Variants in ANO10 observed in about 807,000 individuals in gnomAD.
The protein encoded by ANO10 is anoctamin-10.
ANO10 carries 77 observed loss-of-function variants against 74.7 expected under a neutral mutation model. The ratio of observed to expected loss-of-function variants is 1.03; its 90% CI spans 0.86 to 1.25. The LOEUF is 1.25. ANO10 is among the 50% of genes most tolerant of loss of function. The pLI, the probability that ANO10 is intolerant of heterozygous loss-of-function variation, is 0.00. For missense variants in ANO10, 721 were observed against 778.1 expected (o/e 0.93, Z 0.87); for synonymous variants, 279 against 284.9 (o/e 0.98, Z 0.21).
At chr3:43,682,874 T>C (rs1360235208) in intron 1 of ANO10, among the ~76,000 whole-genome samples, 6 of 152,130 alleles carry the variant, frequency 3.9e-5, no homozygotes, top group African/African-American at 1.4e-4. Context: ...TTGACAAAAT[T>C]CAACAACACT....
intron 1 of ANO10, among the ~76,000 whole-genome samples, chr3:43,680,907 C>T (rs958931891): frequency 5.3e-5 from 8 of 152,116 alleles, no homozygotes; most frequent in South Asian, 2.1e-4. Flanking sequence ...CAGGCCTGCC[C>T]TAAAAGAGCT....
intron 12 of ANO10, among the ~76,000 whole-genome samples, chr3:43,406,874 T>A (rs576281290): frequency 2.6e-5 from 4 of 152,080 alleles, no homozygotes; most frequent in Non-Finnish European, 4.4e-5. Context: ...TTATTCCACC[T>A]GCAGTGTGCA....
intron 11 of ANO10, among the ~76,000 whole-genome samples, chr3:43,452,160 T>C (rs1319594953): frequency 1.3e-4 from 20 of 152,336 alleles, no homozygotes; most frequent in Non-Finnish European, 7.3e-5. Flanking sequence ...AAATGTATTC[T>C]TGTTTTTAAA....
intron 12 of ANO10, among the ~76,000 whole-genome samples, chr3:43,379,786 C>A (rs2091908683): frequency 6.6e-6 from 1 of 152,090 alleles, no homozygotes; most frequent in Non-Finnish European, 1.5e-5. Flanking sequence ...TTGTTTAACA[C>A]CCCCAAAAGA....
At chr3:43,636,120 T>C (rs1340378363) in intron 1 of ANO10, among the ~76,000 whole-genome samples, 3 of 152,054 alleles carry the variant, frequency 2.0e-5, no homozygotes, top group African/African-American at 2.4e-5. Flanking sequence ...AGCTGTTTAT[T>C]TGAAGGGAGA....
intron 1 of ANO10, among the ~76,000 whole-genome samples, chr3:43,616,137 G>A (rs1256114067): frequency 1.3e-5 from 2 of 152,056 alleles, no homozygotes; most frequent in East Asian, 1.9e-4. Context: ...CTTCCATCCC[G>A]CACCTATCCA....
rs560161056 is a variant in ANO10 at position 43,456,349 on chromosome 3, A to T, written c.1798-23622T>A. On this transcript the variant is annotated intron_variant, in intron 11 of 12. Transcript: ENST00000292246. ...CTGAGTTTTGCCTTAAAGGTGCTAA[A>T]AATCTGCTAAACCTGGGCATTTTCT... Among the ~76,000 whole-genome samples the T allele has an allele frequency of 2.0e-5, 3 of 152,340 alleles. No individual in the cohort carries two copies. The South Asian group carries it at 6.2e-4, about 32-fold the overall frequency.
upstream of ANO10, among the ~76,000 whole-genome samples, chr3:43,626,679 C>T (rs934237750): frequency 6.6e-6 from 1 of 152,164 alleles, no homozygotes; most frequent in African/African-American, 2.4e-5. Flanking sequence ...AACTTTATAT[C>T]TTGATAGCTA....
chr3:43,394,730 C>T (rs934604572), intron 12 of ANO10, among the ~76,000 whole-genome samples: 15 of 152,092 alleles, frequency 9.9e-5, no homozygotes, highest in African/African-American at 2.9e-4. Flanking sequence ...TGAGCTGCCC[C>T]GGGTGGAGGG....
chr3:43,677,897 A>G (rs2084143743), intron 1 of ANO10, among the ~76,000 whole-genome samples: 1 of 152,230 alleles, frequency 6.6e-6, no homozygotes. Flanking sequence ...CTTCTGCCAC[A>G]TGCTTTTGGT....
chr3:43,690,787 T>G, intron 1 of ANO10: 1 of 456,078 alleles, frequency 2.2e-6, no homozygotes, highest in East Asian at 3.7e-5. Flanking sequence ...GGAGAACTAG[T>G]GCATGCTGGC....
At chr3:43,673,739 A>T (rs2084088054) in intron 1 of ANO10, among the ~76,000 whole-genome samples, 1 of 152,242 alleles carries the variant, frequency 6.6e-6, no homozygotes, top group South Asian at 2.1e-4. Flanking sequence ...TAAATGAAAT[A>T]GAAGGCAGAG....
At chr3:43,599,632 G>A (rs184420912) in intron 3 of ANO10, among the ~76,000 whole-genome samples, 7 of 152,174 alleles carry the variant, frequency 4.6e-5, no homozygotes, top group East Asian at 3.9e-4. Flanking sequence ...TTGGCCAGGC[G>A]CGGTGGCTCA....
chr3:43,586,117 C>T (rs1474325803), intron 4 of ANO10, among the ~76,000 whole-genome samples: 1 of 152,150 alleles, frequency 6.6e-6, no homozygotes, highest in Non-Finnish European at 1.5e-5. Context: ...GATGGTAAAC[C>T]ACAGTCCCCT....
rs142716450 is a variant in ANO10 at position 43,669,716 on chromosome 3, T to TTTTA, written c.-12+21797_-12+21800dup. Among the ~76,000 whole-genome samples the TTTTA allele has an allele frequency of 8.6e-3, 1,300 of 151,914 alleles. 21 individuals are homozygous for TTTTA. The highest frequency in any genetic ancestry group is 0.024 in the African/African-American group (985 of 41,418). ...ACCGGAAACCAGAAGTCTTTTTAGT[T>TTTTA]TTTATTTATTTATTTATTTATTTAT... On this transcript the variant is annotated intron_variant, in intron 1 of 3. Coordinates refer to the ANO10 transcript ENST00000413397.
upstream of ANO10, among the ~76,000 whole-genome samples, chr3:43,625,938 T>A (rs898661841): frequency 6.6e-6 from 1 of 151,708 alleles, no homozygotes; most frequent in Non-Finnish European, 1.5e-5. Context: ...TCTCTTCAAT[T>A]ACTTTTTTTT....
intron 12 of ANO10, among the ~76,000 whole-genome samples, chr3:43,382,386 G>A (rs1011020069): frequency 1.3e-4 from 19 of 151,968 alleles, no homozygotes; most frequent in Non-Finnish European, 1.2e-4. Flanking sequence ...GGGCGTGGTA[G>A]CGGGCGCCTG....
intron 1 of ANO10, among the ~76,000 whole-genome samples, chr3:43,671,544 C>G (rs1445570403): frequency 1.3e-5 from 2 of 152,034 alleles, no homozygotes; most frequent in African/African-American, 4.8e-5. Flanking sequence ...ACTCATGCTA[C>G]TGTATAATTT....
At chr3:43,411,470 T>C (rs892527840) in intron 12 of ANO10, among the ~76,000 whole-genome samples, 2 of 152,196 alleles carry the variant, frequency 1.3e-5, no homozygotes, top group African/African-American at 2.4e-5. Context: ...TGAGATTTAA[T>C]CCTTCAGAAG....
Sources: gnomAD v4.1 joint callset for allele counts (sites outside exome capture counted in the v4.1 genomes callset) on GRCh38, gnomAD v4.1.1 for gene constraint, MANE v1.5 for transcripts, NCBI Gene and HGNC (gene_info 2026-07-23, HGNC 2026-07-21) for gene names.